Variants in ZC3H18 observed in about 807,000 individuals in gnomAD.
ZC3H18 encodes zinc finger CCCH-type containing 18.
A neutral mutation model predicts 106.1 loss-of-function variants in ZC3H18; 8 were observed. The ratio of observed to expected loss-of-function variants is 0.08; its 90% CI spans 0.04 to 0.14. The LOEUF (loss-of-function observed/expected upper bound fraction) is 0.14, where lower values mean the gene tolerates loss of function less well. Ranked by LOEUF, ZC3H18 falls within the 10% of genes least tolerant of loss-of-function variation. The probability of loss-of-function intolerance (pLI) is 1.00; values close to 1 mark genes in which losing one functional copy is unlikely to be tolerated. For missense variants in ZC3H18, 1,318 were observed against 1,278.4 expected, an observed-to-expected ratio of 1.03 and a Z score of -0.47; for synonymous variants, 635 against 522.1, an observed-to-expected ratio of 1.22 and a Z score of -2.95.
chr16:88,580,200 GTGTGTGTGTATATGTA>G (rs777540986), intron 2 of ZC3H18, among the ~76,000 whole-genome samples: 8,144 of 104,736 alleles, frequency 0.078, 268 homozygotes, highest in Non-Finnish European at 0.1. Context: ...GTGTGTGTGT[GTGTGTGTGTATATGTA>G]TATGTCTCTG....
chr16:88,623,485 G>C, intron 10 of ZC3H18, 141 bp downstream of exon 10: 1 of 1,152,000 alleles, frequency 8.7e-7, no homozygotes, highest in East Asian at 2.5e-5. Flanking sequence ...TGGCCAGGGG[G>C]TCGTGTCCTG....
At chr16:88,580,369 A>C (rs1915051113) in intron 2 of ZC3H18, among the ~76,000 whole-genome samples, 1 of 152,086 alleles carries the variant, frequency 6.6e-6, no homozygotes. Flanking sequence ...ATTGAAGGTG[A>C]GAACCTTTGT....
At chr16:88,575,999 C>T (rs950457962) in intron 1 of ZC3H18, among the ~76,000 whole-genome samples, 1 of 152,214 alleles carries the variant, frequency 6.6e-6, no homozygotes, top group Non-Finnish European at 1.5e-5. Flanking sequence ...CTCCTGGGTT[C>T]ACGCCTTTCT....
chr16:88,592,775 C>A (rs75396463), intron 3 of ZC3H18, among the ~76,000 whole-genome samples: 13,580 of 152,290 alleles, frequency 0.089, 707 homozygotes, highest in Middle Eastern at 0.16. Context: ...AAGGCTGAGC[C>A]AGGCATTCAC....
chr16:88,597,583 C>G (rs1202447913), intron 3 of ZC3H18, among the ~76,000 whole-genome samples: 1 of 152,168 alleles, frequency 6.6e-6, no homozygotes, highest in Non-Finnish European at 1.5e-5. Context: ...CCTTTACTAA[C>G]CCGGATATTC....
chr16:88,594,512 C>CT (rs1444304308), intron 3 of ZC3H18, among the ~76,000 whole-genome samples: 1 of 152,174 alleles, frequency 6.6e-6, no homozygotes, highest in Non-Finnish European at 1.5e-5. Context: ...TCCATGTTTC[C>CT]TATCTGTTTC....
chr16:88,613,688 A>G (rs1385657809), intron 8 of ZC3H18, among the ~76,000 whole-genome samples: 5 of 151,968 alleles, frequency 3.3e-5, no homozygotes, highest in African/African-American at 1.2e-4. Flanking sequence ...TTTGTTTTTT[A>G]TTATTGAGTG....
At chr16:88,600,779 C>T (rs1167350240) in intron 6 of ZC3H18, among the ~76,000 whole-genome samples, 2 of 152,202 alleles carry the variant, frequency 1.3e-5, no homozygotes, top group Non-Finnish European at 2.9e-5. Flanking sequence ...GGGTGGAAGT[C>T]AGATCTTGGG....
chr16:88,628,417 G>A (rs541651015), intron 15 of ZC3H18, among the ~76,000 whole-genome samples: 5 of 152,262 alleles, frequency 3.3e-5, no homozygotes, highest in South Asian at 4.1e-4. Flanking sequence ...GGAAGCCTCC[G>A]TCCCTGTCCT....
rs1914309377 is a variant in ZC3H18, at chr16:88,570,407, T to G, written c.-174T>G. The G allele has an allele frequency of 6.6e-6, 1 of 151,884 alleles. No individual in the cohort carries two copies. The highest frequency in any genetic ancestry group is 1.5e-5 in the Non-Finnish European group (1 of 67,936). The allele number at this position is 151,884 out of a possible 1,614,324, so 9.4% of individuals were successfully genotyped here. On this transcript the variant is annotated 5_prime_UTR_variant, in exon 1 of 18. Transcript: ENST00000301011. ...GGACTACCGTCGCGGCCTGATGACGTCGCACAATGGCCGGCCCCCGCGGGT... is the reference window on the plus strand; with the variant it reads ...GGACTACCGTCGCGGCCTGATGACGGCGCACAATGGCCGGCCCCCGCGGGT...
At chr16:88,610,528 C>T (rs1042033505) in intron 7 of ZC3H18, among the ~76,000 whole-genome samples, 2 of 152,238 alleles carry the variant, frequency 1.3e-5, no homozygotes, top group Admixed American at 1.3e-4. Flanking sequence ...CCACTGCGTT[C>T]CTCTCTGCTG....
At chr16:88,580,690 C>T (rs2142551770) in intron 2 of ZC3H18, among the ~76,000 whole-genome samples, 1 of 152,286 alleles carries the variant, frequency 6.6e-6, no homozygotes, top group East Asian at 1.9e-4. Flanking sequence ...CTGTCTCTAG[C>T]TGGGTTTCTC....
At chr16:88,605,989 G>A (rs1214301630) in intron 6 of ZC3H18, among the ~76,000 whole-genome samples, 2 of 152,268 alleles carry the variant, frequency 1.3e-5, no homozygotes, top group Non-Finnish European at 2.9e-5. Context: ...CTGGAGTGCA[G>A]ATTCCACGTG....
At position 88,602,310 on chromosome 16, in the gene ZC3H18, G is replaced by A. The variant is rs1904790954; in HGVS notation, c.1088+2362G>A. ...AGCAGCACTTATGTGTTGCAATCCT[G>A]CTGCATGACAGGCTTCGCATCCAGT... On this transcript the variant is annotated intron_variant, in intron 6 of 17. Transcript: ENST00000301011. Among the ~76,000 whole-genome samples the A allele has an allele frequency of 1.3e-5, 2 of 152,248 alleles. 1 individual carries two copies. The highest frequency in any genetic ancestry group is 4.8e-5 in the African/African-American group (2 of 41,458).
At chr16:88,625,169 G>T (rs779682325) in intron 12 of ZC3H18, 33 bp from the exon 13 acceptor site, 14 of 1,557,548 alleles carry the variant, frequency 9.0e-6, no homozygotes, top group Middle Eastern at 1.7e-4. Context: ...TGGAGGCCAC[G>T]CCCCCTGAGC....
At position 88,599,445 on chromosome 16, in the gene ZC3H18, C is replaced by T. The variant is rs191977626; in HGVS notation, c.931-346C>T. Among the ~76,000 whole-genome samples the T allele has an allele frequency of 1.6e-4, 25 of 152,306 alleles. No homozygotes were observed. In the Middle Eastern group the frequency reaches 0.01, roughly 62 times the overall value. On this transcript the variant is annotated intron_variant, in intron 5 of 17. Transcript: ENST00000301011. ...GACAAGATGTTCCTTCTCACTCCCT[C>T]GGCATGTCACTTCCTTCCCTCTGAG...
chr16:88,583,675 A>G (rs961185171), intron 2 of ZC3H18, among the ~76,000 whole-genome samples: 3 of 152,232 alleles, frequency 2.0e-5, no homozygotes, highest in Non-Finnish European at 4.4e-5. Context: ...AAGCACCAGC[A>G]GGAGTGTGCC....
At chr16:88,622,063 A>G (rs966428840) in intron 8 of ZC3H18, 134 bp from the exon 9 acceptor site, 1 of 1,100,784 alleles carries the variant, frequency 9.1e-7, no homozygotes, top group African/African-American at 1.6e-5. Context: ...TTTTCCCCTT[A>G]GGACCCTTTG....
intron 8 of ZC3H18, among the ~76,000 whole-genome samples, chr16:88,616,252 A>G (rs1905594949): frequency 6.6e-6 from 1 of 152,100 alleles, no homozygotes; most frequent in African/African-American, 2.4e-5. Context: ...TTTTCTTAAA[A>G]TCAAACACAG....
Sources: allele counts gnomAD v4.1 joint callset (sites outside exome capture counted in the v4.1 genomes callset), GRCh38; gene constraint gnomAD v4.1.1; transcripts MANE v1.5; gene names NCBI Gene and HGNC (gene_info 2026-07-23, HGNC 2026-07-21).